Variants in GLS observed in about 807,000 individuals in gnomAD.
The protein encoded by GLS is glutaminase kidney isoform, mitochondrial.
In GLS, 36 loss-of-function variants were observed where a neutral mutation model predicts 86.7. The observed-to-expected ratio is 0.42, with a 90% CI of 0.32 to 0.55. GLS has a LOEUF of 0.55. GLS is among the 20% of genes least tolerant of loss of function. GLS has a pLI of 0.17. For missense variants in GLS, 528 were observed against 833.4 expected (o/e 0.63, Z 4.51); for synonymous variants, 317 against 305.9 (o/e 1.04, Z -0.38).
intron 14 of GLS, 61 bp downstream of exon 14, chr2:190,931,698 T>A: frequency 2.7e-6 from 2 of 753,124 alleles, no homozygotes; most frequent in Non-Finnish European, 4.5e-6. Flanking sequence ...AAAGTGAGAT[T>A]TGCCTGTATA....
At chr2:190,923,859 G>A (rs767240660) in intron 9 of GLS, 58 bp from the exon 10 acceptor site, 11 of 1,030,166 alleles carry the variant, frequency 1.1e-5, no homozygotes, top group African/African-American at 3.2e-5. Flanking sequence ...ATGAAATTAT[G>A]AACAATCACA....
At chr2:190,919,840 A>C (rs766973923) in intron 7 of GLS, 3 of 255,712 alleles carry the variant, frequency 1.2e-5, no homozygotes, top group Non-Finnish European at 1.8e-5. Flanking sequence ...AATTATCCTT[A>C]ATCTTGTTGA....
At position 190,949,897 on chromosome 2, in the gene GLS, A is replaced by G. The variant is rs1046552527; in HGVS notation, c.1651-3668A>G. Among the ~76,000 whole-genome samples, 5 of 151,508 alleles carry G rather than the reference A, an allele frequency of 3.3e-5. No individual in the cohort carries two copies. The highest frequency in any genetic ancestry group is 5.9e-5 in the Non-Finnish European group (4 of 67,922). ...TCTGCCCACATGGAGCCTATATTTA[A>G]TGAGAGAGACAAAAAACAAGTATAT... is the stretch of plus-strand genomic sequence containing the variant. On this transcript the variant is annotated intron_variant, in intron 14 of 17. Transcript: ENST00000320717. This position sits in a 1 kb window ranked among gnomAD's most constrained non-coding sequence, Gnocchi z 4.0.
chr2:190,881,711 TGGTGGGGCCGC>T (rs1688200173), intron 1 of GLS: 1 of 451,406 alleles, frequency 2.2e-6, no homozygotes, highest in Non-Finnish European at 3.9e-6. Context: ...GGGGTCGCCC[TGGTGGGGCCGC>T]GGTGGGGCCT....
In GLS at chr2:190,914,101, C is replaced by T. The variant is rs1359540315; in HGVS notation, c.1038+3780C>T. On this transcript the variant is annotated intron_variant, in intron 7 of 17. Coordinates refer to ENST00000320717, the MANE Select transcript of GLS (RefSeq NM_014905.5). This position sits in a 1 kb window ranked among gnomAD's most constrained non-coding sequence, Gnocchi z 4.4. ...GCCACTCTACTTGGCATGCCTCATT[C>T]TAGTGGTAGTTTCCAGTTTTTGTCA... is the stretch of plus-strand genomic sequence containing the variant. Among the ~76,000 whole-genome samples, 2 of 152,182 alleles carry T rather than the reference C, an allele frequency of 1.3e-5. No homozygotes were observed. Among genetic ancestry groups the T allele is most frequent in the African/African-American group, 4.8e-5 (2 of 41,436 alleles).
At chr2:190,933,920 T>G in intron 14 of GLS, 1 of 916,498 alleles carries the variant, frequency 1.1e-6, no homozygotes, top group African/African-American at 1.8e-5. Context: ...TCCTTTTATT[T>G]GGTATAAAAA....
intron 1 of GLS, among the ~76,000 whole-genome samples, chr2:190,893,216 A>G (rs1349630636): frequency 6.6e-6 from 1 of 152,234 alleles, no homozygotes; most frequent in Non-Finnish European, 1.5e-5. Flanking sequence ...GATAAGACCT[A>G]GAAAACTTGT....
intron 1 of GLS, among the ~76,000 whole-genome samples, chr2:190,894,192 C>T (rs1221973120): frequency 6.6e-6 from 1 of 152,104 alleles, no homozygotes; most frequent in Non-Finnish European, 1.5e-5. Flanking sequence ...TTCCAGGTCC[C>T]CCACAGCTCA....
intron 7 of GLS, among the ~76,000 whole-genome samples, chr2:190,910,540 A>G (rs1234292512): frequency 6.6e-6 from 1 of 151,894 alleles, no homozygotes; most frequent in African/African-American, 2.4e-5. Context: ...GTAAATTCCA[A>G]CAGTCATTTA....
intron 5 of GLS, among the ~76,000 whole-genome samples, chr2:190,904,494 TA>T (rs1263630167): frequency 6.6e-6 from 1 of 152,126 alleles, no homozygotes; most frequent in Non-Finnish European, 1.5e-5. Context: ...GTATTTCTCT[TA>T]AAATAAACAT....
rs145420000 is a variant in GLS at position 190,888,155 on chromosome 2, A to G, written c.386+6685A>G. On this transcript the variant is annotated intron_variant, in intron 1 of 17. Transcript: ENST00000320717. ...AGGAACCACATCTGTTAAGTTTTGA[A>G]CTTGTAAATCTCTACTGTCTACTCT... Among the ~76,000 whole-genome samples, 498 of 152,286 alleles carry G rather than the reference A, an allele frequency of 3.3e-3. 3 individuals are homozygous for G. The highest frequency in any genetic ancestry group is 6.8e-3 in the Admixed American group (104 of 15,302).
chr2:190,932,987 TA>T lies in GLS; in HGVS notation c.1650+1353del, dbSNP rs1238044927. 1.1e-5 allele frequency: 13 copies of T among 1,215,922 alleles called. No individual in the cohort carries two copies. The African/African-American group carries it at 2.0e-4, about 19-fold the overall frequency. 75.3% of individuals were successfully genotyped at this position (1,215,922 alleles called of 1,614,324 possible). On this transcript the variant is annotated intron_variant, in intron 14 of 17. Transcript: ENST00000320717. Reference sequence around the variant, plus strand: ...TTCTCAATCTTGGGTGCTGGAGCCATAAAGCTTTTTTTTCCTTTTAATCTTT... The same window carrying T: ...TTCTCAATCTTGGGTGCTGGAGCCATAAGCTTTTTTTTCCTTTTAATCTTT...
At chr2:190,958,315 TTCTTC>T (rs1690910935) in intron 17 of GLS, among the ~76,000 whole-genome samples, 1 of 152,182 alleles carries the variant, frequency 6.6e-6, no homozygotes, top group African/African-American at 2.4e-5. Flanking sequence ...ACCTATTTGA[TTCTTC>T]TCTTCTTATT....
intron 7 of GLS, among the ~76,000 whole-genome samples, chr2:190,910,623 A>G (rs1030905616): frequency 2.8e-5 from 4 of 145,016 alleles, no homozygotes; most frequent in African/African-American, 1.0e-4. Flanking sequence ...TTTTTTTTTT[A>G]AAGTTTTGAT....
At chr2:190,915,606 C>G (rs1010834335) in intron 7 of GLS, among the ~76,000 whole-genome samples, 4 of 152,108 alleles carry the variant, frequency 2.6e-5, no homozygotes, top group Admixed American at 6.5e-5. Context: ...TAAGATAAGT[C>G]AGTTTCAAAA....
intron 4 of GLS, among the ~76,000 whole-genome samples, chr2:190,901,043 C>T (rs936864559): frequency 6.6e-6 from 1 of 151,936 alleles, no homozygotes; most frequent in African/African-American, 2.4e-5. Flanking sequence ...GTAAATAATA[C>T]TAGGAACTAT....
chr2:190,933,389 G>T (rs1690171219), intron 14 of GLS: 2 of 875,244 alleles, frequency 2.3e-6, no homozygotes, highest in Non-Finnish European at 2.7e-6. Flanking sequence ...AAATTAGCTT[G>T]TGTTTACATT....
At chr2:190,886,804 T>C (rs1236700623) in intron 1 of GLS, among the ~76,000 whole-genome samples, 1 of 151,372 alleles carries the variant, frequency 6.6e-6, no homozygotes, top group African/African-American at 2.4e-5. Flanking sequence ...TAATCCCAGC[T>C]ACTCGGGAGG....
At position 190,932,941 on chromosome 2, in the gene GLS, A is replaced by G. The variant is rs1690155161; in HGVS notation, c.1650+1304A>G. ...TAGCTTTTTTTTGCAAGTTATAAAT[A>G]TTTATTTGAGGTATTTTTTGTTCTC... is the stretch of plus-strand genomic sequence containing the variant. On this transcript the variant is annotated intron_variant, in intron 14 of 17. Coordinates refer to ENST00000320717, the MANE Select transcript of GLS (RefSeq NM_014905.5). The G allele has an allele frequency of 3.8e-6, 5 of 1,319,776 alleles. No individual in the cohort carries two copies. In the South Asian group the frequency reaches 1.2e-4, roughly 32 times the overall value. The allele number at this position is 1,319,776 out of a possible 1,614,324, so 81.8% of individuals were successfully genotyped here. A position where few individuals can be genotyped will look rare whatever the true frequency, so the allele number is the denominator to read the frequency against.
Sources: gnomAD v4.1 joint callset for allele counts (sites outside exome capture counted in the v4.1 genomes callset) on GRCh38, gnomAD v4.1.1 for gene constraint, Gnocchi (gnomAD v3.1) non-coding constraint, MANE v1.5 for transcripts, NCBI Gene and HGNC (gene_info 2026-07-23, HGNC 2026-07-21) for gene names.